The following RPS6KA1 variants were observed in gnomAD, a reference collection of about 807,000 sequenced individuals.
RPS6KA1 encodes the protein ribosomal protein S6 kinase A1.
Under a neutral mutation model 91.3 loss-of-function variants are expected in RPS6KA1, and 48 were observed. That is an observed-to-expected ratio of 0.53 (90% CI 0.42 to 0.67). The LOEUF (loss-of-function observed/expected upper bound fraction) is 0.67, where lower values mean the gene tolerates loss of function less well. Among genes scored for constraint, RPS6KA1 ranks in the 30% least tolerant of loss-of-function variants. RPS6KA1 has a pLI of 0.00. For synonymous variants in RPS6KA1, 359 were observed against 384.7 expected (o/e 0.93, Z 0.78); for missense variants, 719 against 960.5 (o/e 0.75, Z 3.32).
rs573617680 is a variant in RPS6KA1, at chr1:26,574,548, C to T, written c.*347C>T. The T allele has an allele frequency of 2.2e-4, 100 of 452,120 alleles. 1 individual carries two copies. The highest frequency in any genetic ancestry group is 1.6e-3 in the South Asian group (98 of 59,414). The allele number at this position is 452,120 out of a possible 1,614,324, so 28.0% of individuals were successfully genotyped here. A position where few individuals can be genotyped will look rare whatever the true frequency, so the allele number is the denominator to read the frequency against. ...GGAGGGGAACTGAGTCACGCTGGGGCTCTCTGAGACTCTTTAGAGCAGCTT... is the reference window on the plus strand; with the variant it reads ...GGAGGGGAACTGAGTCACGCTGGGGTTCTCTGAGACTCTTTAGAGCAGCTT... On this transcript the variant is annotated 3_prime_UTR_variant, in exon 22 of 22. Coordinates refer to ENST00000374168, the MANE Select transcript of RPS6KA1 (RefSeq NM_002953.4). The surrounding 1 kb of genome is among the most constrained non-coding windows in gnomAD (Gnocchi z 4.3).
In RPS6KA1 at chr1:26,553,383, T is replaced by C. The variant is rs772330279; in HGVS notation, c.469-8T>C. ...GTCCCTGCTGAAGGCCCCTCCTGTCTTTTGCAGGTGATGTTCACGGAGGAG... is the reference window on the plus strand; with the variant it reads ...GTCCCTGCTGAAGGCCCCTCCTGTCCTTTGCAGGTGATGTTCACGGAGGAG... On this transcript the variant is annotated splice_region_variant and splice_polypyrimidine_tract_variant and intron_variant, in intron 6 of 21. Transcript: ENST00000374168. 6.2e-7 allele frequency: 1 copy of C among 1,602,056 alleles called. No individual in the cohort carries two copies. The highest frequency in any genetic ancestry group is 8.6e-7 in the Non-Finnish European group (1 of 1,169,556).
In RPS6KA1 at chr1:26,556,726, T is replaced by C. The variant is rs202096066; in HGVS notation, c.981+8T>C. 1 of 1,613,328 alleles carries C rather than the reference T, an allele frequency of 6.2e-7. No individual in the cohort carries two copies. The highest frequency in any genetic ancestry group is 8.5e-7 in the Non-Finnish European group (1 of 1,179,248). ...TCCACCATTGACTGGAATGTGAGTG[T>C]GTCCACCCACACCAGGGCTCTGGCC... On this transcript the variant is annotated splice_region_variant and intron_variant, in intron 12 of 21. Transcript: ENST00000374168.
intron 1 of RPS6KA1, chr1:26,530,630 A>G (rs2075860719): frequency 5.2e-6 from 3 of 571,446 alleles, no homozygotes; most frequent in African/African-American, 4.0e-5. Flanking sequence ...GCGTGGGGGG[A>G]CCTTGGTGCC....
At chr1:26,545,883 C>G in intron 2 of RPS6KA1, 1 of 1,557,826 alleles carries the variant, frequency 6.4e-7, no homozygotes. Context: ...GCCATGGTGC[C>G]GTGGCCCTGC....
chr1:26,533,321 T>G (rs1409315018), intron 1 of RPS6KA1, among the ~76,000 whole-genome samples: 1 of 152,106 alleles, frequency 6.6e-6, no homozygotes, highest in Non-Finnish European at 1.5e-5. Context: ...CTCGTGATCC[T>G]CGTGATCTGT....
chr1:26,562,747 T>G lies in RPS6KA1; in HGVS notation c.1590+1084T>G, dbSNP rs2076163851. On this transcript the variant is annotated intron_variant, in intron 17 of 21. Transcript: ENST00000374168. The stretch of plus-strand genomic sequence containing the variant: ...CAGGCTATGAATCCACCTGGCTGAG[T>G]CCAGGTCTTGGTGTATGAGGTTGTT... Among the ~76,000 whole-genome samples the G allele has an allele frequency of 1.3e-5, 2 of 151,694 alleles. 1 individual carries two copies. The highest frequency in any genetic ancestry group is 4.2e-4 in the South Asian group (2 of 4,802).
At chr1:26,546,703 G>T (rs549852645) in intron 2 of RPS6KA1, among the ~76,000 whole-genome samples, 164 bp from the exon 3 acceptor site, 1 of 152,202 alleles carries the variant, frequency 6.6e-6, no homozygotes, top group Non-Finnish European at 1.5e-5. Context: ...AGACTTTGAG[G>T]CTCTTTTGAA....
Position 26,566,279 on chromosome 1 carries a change from C to CTTTTTTTT in RPS6KA1, c.1590+4631_1590+4638dup, listed in dbSNP as rs371340177. On this transcript the variant is annotated intron_variant, in intron 17 of 21. Coordinates refer to ENST00000374168, the MANE Select transcript of RPS6KA1 (RefSeq NM_002953.4). Reference sequence around the variant, plus strand: ...GGTGTGGAGTGGTATCTCATTGTAGCTTTTTTTTTTTTTTTTTTTTTTGAG... The same window carrying CTTTTTTTT: ...GGTGTGGAGTGGTATCTCATTGTAGCTTTTTTTTTTTTTTTTTTTTTTTTTTTTTTGAG... Among the ~76,000 whole-genome samples, 11 of 97,948 alleles carry CTTTTTTTT rather than the reference C, an allele frequency of 1.1e-4. 1 individual carries two copies. The highest frequency in any genetic ancestry group is 1.7e-4 in the Non-Finnish European group (9 of 51,814). The allele number at this position is 97,948 out of a possible 152,430, so 64.3% of individuals were successfully genotyped here.
chr1:26,544,281 T>C (rs1009988429), intron 2 of RPS6KA1: 16 of 448,078 alleles, frequency 3.6e-5, no homozygotes, highest in Admixed American at 1.2e-4. Flanking sequence ...ACTTGATAAG[T>C]GCCTGACTTC....
intron 2 of RPS6KA1, among the ~76,000 whole-genome samples, chr1:26,538,270 CA>C (rs1200688799): frequency 6.6e-6 from 1 of 152,190 alleles, no homozygotes; most frequent in Non-Finnish European, 1.5e-5. Context: ...TGCCTAGTAA[CA>C]AAATGAAGAA....
In RPS6KA1 at chr1:26,574,439, T is replaced by A. The variant is rs751286481; in HGVS notation, c.*238T>A. ...GCGATTCACTGTATAAACTTTTTTT[T>A]ATGAAAAAAATGGCATCAACCACCA... is the stretch of plus-strand genomic sequence containing the variant. On this transcript the variant is annotated 3_prime_UTR_variant, in exon 22 of 22. Transcript: ENST00000374168. This position sits in a 1 kb window ranked among gnomAD's most constrained non-coding sequence, Gnocchi z 4.3. 1.8e-5 allele frequency: 13 copies of A among 720,006 alleles called. No individual in the cohort carries two copies. Among genetic ancestry groups the A allele is most frequent in the South Asian group, 7.0e-5 (5 of 71,758 alleles). 44.6% of individuals were successfully genotyped at this position (720,006 alleles called of 1,614,324 possible). A position where few individuals can be genotyped will look rare whatever the true frequency, so the allele number is the denominator to read the frequency against.
chr1:26,542,281 G>A (rs1330174613), intron 2 of RPS6KA1, among the ~76,000 whole-genome samples: 1 of 152,236 alleles, frequency 6.6e-6, no homozygotes, highest in Non-Finnish European at 1.5e-5. Flanking sequence ...GTCTGAGGAA[G>A]CTGGAGAGCA....
At position 26,573,344 on chromosome 1, in the gene RPS6KA1, G is replaced by T; in HGVS notation, c.2068G>T (p.Asp690Tyr). 1 of 1,614,218 alleles carries T rather than the reference G, an allele frequency of 6.2e-7. No individual in the cohort carries two copies. Among genetic ancestry groups the T allele is most frequent in the Non-Finnish European group, 8.5e-7 (1 of 1,180,030 alleles). Residue 690 changes from aspartate to tyrosine, a missense_variant, in exon 21 of 22, where the codon GAC becomes TAC. Physicochemically the swap from Asp to Tyr is radical, Grantham distance 160. Coordinates refer to ENST00000374168, the MANE Select transcript of RPS6KA1 (RefSeq NM_002953.4). ...KLPQSQLSHQ[D>Y]LQLVKGAMAA... The stretch of plus-strand genomic sequence containing the variant: ...TCCCCAAAGCCAGCTGTCCCACCAG[G>T]ACCTACAGCTTGTGAAGGTATGGCC...
In RPS6KA1 at chr1:26,574,150, A is replaced by G; in HGVS notation, c.2157A>G (p.Ser719=). ...KPTPQLKPIE[S]SILAQRRVRK... ...CCCCCCAGCTGAAGCCCATCGAGTC[A>G]TCCATCCTGGCCCAGCGGCGAGTGA... Residue 719 remains serine (S), a synonymous_variant, in exon 22 of 22, where the codon TCA becomes TCG. Transcript: ENST00000374168. The surrounding 1 kb of genome is among the most constrained non-coding windows in gnomAD (Gnocchi z 4.3). 1 of 1,614,106 alleles carries G rather than the reference A, an allele frequency of 6.2e-7. No homozygotes were observed. The highest frequency in any genetic ancestry group is 8.5e-7 in the Non-Finnish European group (1 of 1,180,014).
rs1438149737 is a variant in RPS6KA1 at position 26,551,618 on chromosome 1, A to G, written c.389-26A>G. On this transcript the variant is annotated intron_variant, in intron 5 of 21. Coordinates refer to ENST00000374168, the MANE Select transcript of RPS6KA1 (RefSeq NM_002953.4). This position sits in a 1 kb window ranked among gnomAD's most constrained non-coding sequence, Gnocchi z 4.5. ...CAGATCATAAGGCCGCGCCGACTCT[A>G]CCATTGCCTTTCTCCCTCTTCCCAG... 7 of 1,610,802 alleles carry G rather than the reference A, an allele frequency of 4.3e-6. No individual in the cohort carries two copies. The highest frequency in any genetic ancestry group is 5.9e-6 in the Non-Finnish European group (7 of 1,176,962).
intron 14 of RPS6KA1, 151 bp downstream of exon 14, chr1:26,559,088 C>A: frequency 1.1e-6 from 1 of 877,228 alleles, no homozygotes; most frequent in Non-Finnish European, 1.7e-6. Flanking sequence ...GTAAGGCCCA[C>A]CTCACACAGT....
At chr1:26,569,063 C>T (rs2076227723) in intron 17 of RPS6KA1, among the ~76,000 whole-genome samples, 1 of 151,760 alleles carries the variant, frequency 6.6e-6, no homozygotes, top group Admixed American at 6.6e-5. Flanking sequence ...TGGTGGTGCA[C>T]ACCTGTAATT....
Position 26,558,874 on chromosome 1 carries a change from C to T in RPS6KA1, c.1152C>T (p.Thr384=), listed in dbSNP as rs745989127. ...TCCGGGGCTTCAGCTTCGTGGCCAC[C>T]GGCCTGATGGAAGACGACGGCAAGC... ...QLFRGFSFVA[T]GLMEDDGKPR... Residue 384 remains threonine (T), a synonymous_variant, in exon 14 of 22, where the codon ACC becomes ACT. Coordinates refer to ENST00000374168, the MANE Select transcript of RPS6KA1 (RefSeq NM_002953.4). This position sits in a 1 kb window ranked among gnomAD's most constrained non-coding sequence, Gnocchi z 4.0. 3.5e-5 allele frequency: 57 copies of T among 1,613,762 alleles called. No homozygotes were observed. The Admixed American group carries it at 5.0e-4, about 14-fold the overall frequency.
intron 17 of RPS6KA1, among the ~76,000 whole-genome samples, chr1:26,569,078 C>T (rs1197334221): frequency 1.3e-5 from 2 of 151,756 alleles, no homozygotes; most frequent in Non-Finnish European, 2.9e-5. Flanking sequence ...GTAATTCCAG[C>T]TAACTGGGAA....
Sources: gnomAD v4.1 joint callset for allele counts (sites outside exome capture counted in the v4.1 genomes callset) on GRCh38, gnomAD v4.1.1 for gene constraint, Gnocchi (gnomAD v3.1) non-coding constraint, MANE v1.5 for transcripts, NCBI Gene and HGNC (gene_info 2026-07-23, HGNC 2026-07-21) for gene names.